ACKR3: variants seen among roughly 807,000 people sequenced by gnomAD.
ACKR3 encodes atypical chemokine receptor 3, also known as C-X-C chemokine receptor type 7.
Under a neutral mutation model 22.4 loss-of-function variants are expected in ACKR3, and 6 were observed. The observed-to-expected ratio is 0.27, with a 90% CI of 0.15 to 0.53. The LOEUF (loss-of-function observed/expected upper bound fraction) is 0.53. ACKR3 is among the 20% of genes least tolerant of loss of function. ACKR3 has a pLI of 0.96. For synonymous variants in ACKR3, 209 were observed against 205.2 expected, an observed-to-expected ratio of 1.02 and a Z score of -0.16; for missense variants, 396 against 475.2, an observed-to-expected ratio of 0.83 and a Z score of 1.55.
the ACKR3 span, among the ~76,000 whole-genome samples, chr2:236,549,141 C>T: frequency 3.9e-4 from 59 of 152,310 alleles, 2 homozygotes; most frequent in East Asian, 8.5e-3. The surrounding 1 kb of genome is among the most constrained non-coding windows in gnomAD (Gnocchi z 5.3). Context: ...CAAATTTGAG[C>T]AGAGACACTT....
At chr2:236,548,994 G>A in the ACKR3 span, among the ~76,000 whole-genome samples, 3 of 152,122 alleles carry the variant, frequency 2.0e-5, no homozygotes, top group African/African-American at 7.2e-5. The surrounding 1 kb of genome is among the most constrained non-coding windows in gnomAD (Gnocchi z 4.3). Flanking sequence ...TCGAAAATTG[G>A]CATAGTTTAA....
the ACKR3 span, among the ~76,000 whole-genome samples, chr2:236,546,295 G>A: frequency 1.3e-5 from 2 of 152,242 alleles, no homozygotes; most frequent in East Asian, 1.9e-4. This position sits in a 1 kb window ranked among gnomAD's most constrained non-coding sequence, Gnocchi z 4.9. Context: ...CTGGAAGGAC[G>A]GCTTCTCAGG....
the ACKR3 span, among the ~76,000 whole-genome samples, chr2:236,553,114 G>A: frequency 2.0e-5 from 3 of 152,184 alleles, no homozygotes; most frequent in South Asian, 4.1e-4. Context: ...CCACCTTTGC[G>A]GAGGAGATCC....
the ACKR3 span, among the ~76,000 whole-genome samples, chr2:236,560,951 A>G: frequency 6.6e-6 from 1 of 152,248 alleles, no homozygotes; most frequent in Non-Finnish European, 1.5e-5. Context: ...TGGTATATAC[A>G]TACAACAAAA....
chr2:236,554,113 C>G, the ACKR3 span, among the ~76,000 whole-genome samples: 18 of 152,254 alleles, frequency 1.2e-4, no homozygotes, highest in Middle Eastern at 3.4e-3. Flanking sequence ...GGAAAAAGTC[C>G]TAGGTGGCTC....
chr2:236,545,256 C>T, the ACKR3 span, among the ~76,000 whole-genome samples: 3 of 152,176 alleles, frequency 2.0e-5, no homozygotes, highest in Non-Finnish European at 2.9e-5. The surrounding 1 kb of genome is among the most constrained non-coding windows in gnomAD (Gnocchi z 5.3). Flanking sequence ...GGGGCTCTGT[C>T]GCCCAAGGGA....
chr2:236,574,379 C>T lies in ACKR3; in HGVS notation c.-27+4455C>T, dbSNP rs1020241529. On this transcript the variant is annotated intron_variant, in intron 1 of 1. Coordinates refer to ENST00000272928, the MANE Select transcript of ACKR3 (RefSeq NM_020311.3). The surrounding 1 kb of genome is among the most constrained non-coding windows in gnomAD (Gnocchi z 5.6). ...GTTACAGAAGACTTGGTGGGGGGTG[C>T]GGGGCCTGGTAGGAATGAGGTGGAG... Among the ~76,000 whole-genome samples, 3 of 151,716 alleles carry T rather than the reference C, an allele frequency of 2.0e-5. No homozygotes were observed. Among genetic ancestry groups the T allele is most frequent in the Non-Finnish European group, 2.9e-5 (2 of 67,928 alleles).
the ACKR3 span, among the ~76,000 whole-genome samples, chr2:236,545,594 G>A: frequency 2.0e-5 from 3 of 152,210 alleles, no homozygotes; most frequent in Admixed American, 6.5e-5. The surrounding 1 kb of genome is among the most constrained non-coding windows in gnomAD (Gnocchi z 5.3). Context: ...GGGGAAGAAT[G>A]AGTGTATCAA....
chr2:236,581,543 A>G lies in ACKR3; in HGVS notation c.1078A>G (p.Ser360Gly). ...SETEYSALEQ[S>G]TK ...GACGGAGTACTCTGCCTTGGAGCAG[A>G]GCACCAAATGATCTGCCCTGGAGAG... The change falls in exon 2 of 2, where the codon AGC becomes GGC. Residue 360 changes from serine to glycine, a missense_variant. Coordinates refer to ENST00000272928, the MANE Select transcript of ACKR3 (RefSeq NM_020311.3). This position sits in a 1 kb window ranked among gnomAD's most constrained non-coding sequence, Gnocchi z 4.4. 6.2e-7 allele frequency: 1 copy of G among 1,613,506 alleles called. No individual in the cohort carries two copies. The highest frequency in any genetic ancestry group is 1.7e-5 in the Admixed American group (1 of 60,018).
In ACKR3 at chr2:236,580,631, G is replaced by A. The variant is rs769053538; in HGVS notation, c.166G>A (p.Val56Ile). ...TLSFIYIFIF[V>I]IGMIANSVVV... ...CTCCTTCATTTACATTTTCATCTTC[G>A]TCATCGGCATGATTGCCAACTCCGT... is the stretch of plus-strand genomic sequence containing the variant. The change falls in exon 2 of 2, where the codon GTC (valine) becomes ATC (isoleucine). Residue 56 changes from valine to isoleucine, a missense_variant. By Grantham distance (29) the Val-to-Ile change is conservative (BLOSUM62 3). Transcript: ENST00000272928. 1.1e-5 allele frequency: 17 copies of A among 1,613,686 alleles called. No homozygotes were observed. The highest frequency in any genetic ancestry group is 1.6e-4 in the Middle Eastern group (1 of 6,084).
At chr2:236,566,054 G>A (rs1574969776), upstream of ACKR3, among the ~76,000 whole-genome samples, 1 of 152,120 alleles carries the variant, frequency 6.6e-6, no homozygotes, top group African/African-American at 2.4e-5. Context: ...CCACTCTAAC[G>A]GGGCTCCCAG....
the ACKR3 span, among the ~76,000 whole-genome samples, chr2:236,542,953 G>A: frequency 1.0e-3 from 86 of 85,034 alleles, no homozygotes; most frequent in African/African-American, 0.024. Context: ...TTCTATATGC[G>A]GGCCCTGTGA....
chr2:236,578,941 G>T (rs2106507822), intron 1 of ACKR3, among the ~76,000 whole-genome samples: 1 of 152,356 alleles, frequency 6.6e-6, no homozygotes, highest in Non-Finnish European at 1.5e-5. Context: ...GGAGAAGGGG[G>T]TGACGTTTTA....
the ACKR3 span, among the ~76,000 whole-genome samples, chr2:236,538,714 T>C: frequency 6.6e-6 from 1 of 152,088 alleles, no homozygotes; most frequent in African/African-American, 2.4e-5. Flanking sequence ...CCAGATAAAA[T>C]ACAGACTGCC....
the ACKR3 span, among the ~76,000 whole-genome samples, chr2:236,550,868 A>G: frequency 6.6e-6 from 1 of 152,156 alleles, no homozygotes; most frequent in Admixed American, 6.5e-5. This position sits in a 1 kb window ranked among gnomAD's most constrained non-coding sequence, Gnocchi z 4.6. Flanking sequence ...TGTCATGTGC[A>G]TTCACACACG....
chr2:236,575,704 G>A (rs1368122303), intron 1 of ACKR3, among the ~76,000 whole-genome samples: 2 of 151,220 alleles, frequency 1.3e-5, no homozygotes, highest in African/African-American at 4.9e-5. Flanking sequence ...GTGTGTCTGC[G>A]TATTGTCTTT....
chr2:236,579,754 G>A (rs1691481685), intron 1 of ACKR3, among the ~76,000 whole-genome samples: 1 of 152,156 alleles, frequency 6.6e-6, no homozygotes, highest in Non-Finnish European at 1.5e-5. Flanking sequence ...AAAACCACAC[G>A]GCCAACCCAG....
At chr2:236,553,901 G>A in the ACKR3 span, among the ~76,000 whole-genome samples, 1 of 152,240 alleles carries the variant, frequency 6.6e-6, no homozygotes, top group South Asian at 2.1e-4. Context: ...ATTCTGGGAA[G>A]CTTATCCTGT....
At chr2:236,571,358 G>A (rs1026353205) in intron 1 of ACKR3, among the ~76,000 whole-genome samples, 10 of 152,140 alleles carry the variant, frequency 6.6e-5, no homozygotes, top group Non-Finnish European at 1.5e-4. Flanking sequence ...AGCTGCCCAG[G>A]ATGGGGGTGG....
Sources: gnomAD v4.1 joint callset for allele counts (sites outside exome capture counted in the v4.1 genomes callset) on GRCh38, gnomAD v4.1.1 for gene constraint, Gnocchi (gnomAD v3.1) non-coding constraint, MANE v1.5 for transcripts, NCBI Gene and HGNC (gene_info 2026-07-23, HGNC 2026-07-21) for gene names.